The following GRIN2A variants were observed in gnomAD, a reference collection of about 807,000 sequenced individuals.
GRIN2A encodes the protein glutamate ionotropic receptor NMDA type subunit 2A.
A neutral mutation model predicts 113.4 loss-of-function variants in GRIN2A; 22 were observed. That is an observed-to-expected ratio of 0.19 (90% CI 0.14 to 0.28). The LOEUF is 0.28. GRIN2A is among the 10% of genes least tolerant of loss of function. The probability of loss-of-function intolerance (pLI) is 1.00; values close to 1 mark genes in which losing one functional copy is unlikely to be tolerated. For synonymous variants in GRIN2A, 827 were observed against 738.4 expected (o/e 1.12, Z -1.94); for missense variants, 1,502 against 1,887.0 (o/e 0.80, Z 3.78).
chr16:9,970,391 T>C (rs2045647369), intron 2 of GRIN2A, among the ~76,000 whole-genome samples: 1 of 152,128 alleles, frequency 6.6e-6, no homozygotes, highest in Admixed American at 6.6e-5. Context: ...GAGACTGGAG[T>C]AGAGACCAAT....
chr16:9,908,213 C>T (rs1196440986), intron 3 of GRIN2A, among the ~76,000 whole-genome samples: 1 of 151,978 alleles, frequency 6.6e-6, no homozygotes, highest in East Asian at 1.9e-4. Context: ...AAATGTGTCC[C>T]CTAAAAGACT....
rs566834320 is a variant in GRIN2A at position 10,048,149 on chromosome 16, G to C, written c.415-109598C>G. ...ACATGTATTAATTTTGTAGCCATGG[G>C]CAAGTTATTTCACCTATGACTCAGT... On this transcript the variant is annotated intron_variant, in intron 2 of 12. Transcript: ENST00000330684. Among the ~76,000 whole-genome samples, 8 of 152,228 alleles carry C rather than the reference G, an allele frequency of 5.3e-5. No homozygotes were observed. The East Asian group carries it at 1.2e-3, about 22-fold the overall frequency.
At chr16:9,841,342 C>G (rs937242953) in intron 5 of GRIN2A, among the ~76,000 whole-genome samples, 1 of 152,112 alleles carries the variant, frequency 6.6e-6, no homozygotes, top group East Asian at 1.9e-4. Flanking sequence ...TAAGCACTAT[C>G]CTAAAGGCTT....
Position 9,768,794 on chromosome 16 carries a change from C to G in GRIN2A, c.2595+57G>C, listed in dbSNP as rs560240299. On this transcript the variant is annotated intron_variant, in intron 12 of 12. Transcript: ENST00000330684. ...AGACCCCACTGAGACATCAAGAACC[C>G]AAGCGCTTTTCTAAACCTGCTTGCA... is the stretch of plus-strand genomic sequence containing the variant. The G allele has an allele frequency of 1.6e-5, 18 of 1,152,232 alleles. No individual in the cohort carries two copies. The South Asian group carries it at 2.1e-4, about 13-fold the overall frequency. The allele number at this position is 1,152,232 out of a possible 1,614,324, so 71.4% of individuals were successfully genotyped here. A position where few individuals can be genotyped will look rare whatever the true frequency, so the allele number is the denominator to read the frequency against.
intron 11 of GRIN2A, 51 bp downstream of exon 11, chr16:9,798,226 A>G (rs1169520217): frequency 6.9e-7 from 1 of 1,457,064 alleles, no homozygotes; most frequent in Admixed American, 1.7e-5. Context: ...AAACAAAGCG[A>G]GTGTGAGGGT....
At chr16:10,171,558 C>T (rs1372100879) in intron 2 of GRIN2A, 1 of 152,166 alleles carries the variant, frequency 6.6e-6, no homozygotes, top group East Asian at 1.9e-4. Context: ...TTCTGATTGT[C>T]TCAGTTAAGA....
chr16:9,957,210 T>A (rs1414758958), intron 2 of GRIN2A, among the ~76,000 whole-genome samples: 1 of 152,208 alleles, frequency 6.6e-6, no homozygotes, highest in Non-Finnish European at 1.5e-5. Context: ...GGGCTTGTTC[T>A]CAGCCAGGGG....
At chr16:9,840,290 C>T (rs2042650572) in intron 7 of GRIN2A, among the ~76,000 whole-genome samples, 1 of 151,952 alleles carries the variant, frequency 6.6e-6, no homozygotes, top group Non-Finnish European at 1.5e-5. Flanking sequence ...GGGAAGAGCC[C>T]CTTATTAAAC....
chr16:9,812,351 C>G (rs916687087), intron 10 of GRIN2A, among the ~76,000 whole-genome samples: 88 of 152,136 alleles, frequency 5.8e-4, no homozygotes, highest in Admixed American at 5.7e-3. Context: ...AGAAATGCCT[C>G]ACTTAAGCCG....
intron 2 of GRIN2A, among the ~76,000 whole-genome samples, chr16:9,960,254 C>T (rs902254044): frequency 6.6e-6 from 1 of 152,108 alleles, no homozygotes; most frequent in Non-Finnish European, 1.5e-5. Context: ...TTATAACAAC[C>T]TAAGTAGAGA....
intron 4 of GRIN2A, among the ~76,000 whole-genome samples, chr16:9,880,292 C>T (rs1567367909): frequency 6.6e-6 from 1 of 152,186 alleles, no homozygotes; most frequent in Non-Finnish European, 1.5e-5. Context: ...CCCCTCGATC[C>T]TCAAATGTAG....
rs1057522803 is a variant in GRIN2A at position 9,763,374 on chromosome 16, C to T, written c.4170G>A (p.Ser1390=). Residue 1390 remains serine (S), a synonymous_variant, in exon 13 of 13, where the codon TCG becomes TCA. Transcript: ENST00000330684. ...GRCPSDPYKH[S]LPSQAVNDSY... ...TGTCATTCACCGCCTGGGATGGCAA[C>T]GAGTGTTTGTAAGGGTCCGAGGGGC... 37 of 1,613,982 alleles carry T rather than the reference C, an allele frequency of 2.3e-5. No homozygotes were observed. The highest frequency in any genetic ancestry group is 6.7e-5 in the East Asian group (3 of 44,880).
chr16:10,065,617 A>G (rs1181559262), intron 2 of GRIN2A, among the ~76,000 whole-genome samples: 1 of 152,240 alleles, frequency 6.6e-6, no homozygotes, highest in Non-Finnish European at 1.5e-5. Context: ...TAAGGTTTTT[A>G]AAAGAATTCA....
chr16:9,817,613 A>G (rs1394408984), intron 10 of GRIN2A, among the ~76,000 whole-genome samples: 1 of 152,244 alleles, frequency 6.6e-6, no homozygotes, highest in Non-Finnish European at 1.5e-5. Context: ...AGATGGGGAA[A>G]CTAGAAAGTG....
chr16:10,006,661 T>C (rs1325416518), intron 2 of GRIN2A, among the ~76,000 whole-genome samples: 3 of 152,144 alleles, frequency 2.0e-5, no homozygotes, highest in Non-Finnish European at 2.9e-5. Flanking sequence ...TATTCTAAAA[T>C]GTACGACAAA....
At chr16:10,001,609 G>A (rs1016039787) in intron 2 of GRIN2A, among the ~76,000 whole-genome samples, 3 of 152,142 alleles carry the variant, frequency 2.0e-5, no homozygotes, top group African/African-American at 7.2e-5. Flanking sequence ...TCTTTAGAAG[G>A]TTCTCAGAAG....
rs144464666 is a variant in GRIN2A, at chr16:9,938,519, C to A, written c.447G>T (p.Ala149=). ...TGACCGTGGCTTGCTGCTGGATGGA[C>A]GCTCCAAACTGGAAGAAGGTAGACG... is the stretch of plus-strand genomic sequence containing the variant. ...DPTSTFFQFG[A]SIQQQATVML... is the part of the protein sequence containing the mutation. The change falls in exon 3 of 13, where the codon GCG becomes GCT. Residue 149 remains alanine (A), a synonymous_variant. Coordinates refer to ENST00000330684, the MANE Select transcript of GRIN2A (RefSeq NM_001134407.3). 5 of 1,608,604 alleles carry A rather than the reference C, an allele frequency of 3.1e-6. No homozygotes were observed. In the South Asian group the frequency reaches 5.5e-5, roughly 18 times the overall value.
At chr16:9,880,406 A>T (rs1478901795) in intron 4 of GRIN2A, among the ~76,000 whole-genome samples, 1 of 152,184 alleles carries the variant, frequency 6.6e-6, no homozygotes, top group Non-Finnish European at 1.5e-5. Context: ...GGCAAAACCC[A>T]CGATTACTTT....
At chr16:10,028,793 T>C (rs1311151909) in intron 2 of GRIN2A, among the ~76,000 whole-genome samples, 2 of 152,214 alleles carry the variant, frequency 1.3e-5, no homozygotes, top group African/African-American at 2.4e-5. Flanking sequence ...AACTCTGTTA[T>C]CATAGCATAA....
Sources: gnomAD v4.1 joint callset for allele counts (sites outside exome capture counted in the v4.1 genomes callset) on GRCh38, gnomAD v4.1.1 for gene constraint, MANE v1.5 for transcripts, NCBI Gene and HGNC (gene_info 2026-07-23, HGNC 2026-07-21) for gene names.